Variants in SDK1 observed in about 807,000 individuals in gnomAD.
SDK1 encodes the protein sidekick cell adhesion molecule 1.
A neutral mutation model predicts 245.5 loss-of-function variants in SDK1; 157 were observed. The observed-to-expected ratio is 0.64, with a 90% CI of 0.56 to 0.73. SDK1 has a LOEUF of 0.73. Ranked by LOEUF, SDK1 falls within the 30% of genes least tolerant of loss-of-function variation. The probability of loss-of-function intolerance (pLI) is 0.00; values close to 1 mark genes in which losing one functional copy is unlikely to be tolerated. For synonymous variants in SDK1, 1,647 were observed against 1,278.5 expected (o/e 1.29, Z -6.15); for missense variants, 3,583 against 3,002.3 (o/e 1.19, Z -4.52).
intron 1 of SDK1, among the ~76,000 whole-genome samples, chr7:3,349,507 G>T (rs1465143709): frequency 6.6e-6 from 1 of 152,190 alleles, no homozygotes; most frequent in East Asian, 1.9e-4. Flanking sequence ...GTTCTGCGGG[G>T]ACCAGCCCTG....
chr7:4,253,256 C>T (rs530173621), intron 44 of SDK1, among the ~76,000 whole-genome samples: 50 of 152,158 alleles, frequency 3.3e-4, no homozygotes, highest in African/African-American at 8.9e-4. Flanking sequence ...TTTGTAAATA[C>T]AGGACTTTAT....
intron 1 of SDK1, among the ~76,000 whole-genome samples, chr7:3,363,698 C>T (rs1325762734): frequency 1.8e-4 from 27 of 152,146 alleles, no homozygotes; most frequent in Admixed American, 1.8e-3. Context: ...CTCACCTGTG[C>T]AGTTCACAGT....
At chr7:3,563,335 C>T (rs796804394) in intron 1 of SDK1, among the ~76,000 whole-genome samples, 9 of 151,512 alleles carry the variant, frequency 5.9e-5, no homozygotes, top group East Asian at 3.9e-4. Flanking sequence ...TCAGATGGGG[C>T]GGAAAAACAA....
At chr7:4,240,034 T>A (rs1786422442) in intron 42 of SDK1, among the ~76,000 whole-genome samples, 1 of 152,234 alleles carries the variant, frequency 6.6e-6, no homozygotes, top group Non-Finnish European at 1.5e-5. Flanking sequence ...AGAAAGGATT[T>A]ATTTTTTTCT....
intron 3 of SDK1, among the ~76,000 whole-genome samples, chr7:3,641,750 G>A (rs1367478120): frequency 2.6e-5 from 4 of 152,324 alleles, no homozygotes; most frequent in Non-Finnish European, 5.9e-5. Context: ...TGTGCAGCGT[G>A]GGCGCTTTGG....
intron 4 of SDK1, among the ~76,000 whole-genome samples, chr7:3,676,614 C>G (rs919697336): frequency 7.9e-5 from 12 of 152,284 alleles, no homozygotes; most frequent in African/African-American, 2.2e-4. Flanking sequence ...CGTGAGCCAC[C>G]ACGCCTTGCC....
intron 5 of SDK1, among the ~76,000 whole-genome samples, chr7:3,887,771 A>G (rs1471876519): frequency 6.6e-6 from 1 of 152,180 alleles, no homozygotes; most frequent in Non-Finnish European, 1.5e-5. Flanking sequence ...TTGGCCTGAA[A>G]TATCATCACG....
intron 4 of SDK1, among the ~76,000 whole-genome samples, chr7:3,695,257 C>T (rs890590435): frequency 3.9e-5 from 6 of 152,166 alleles, no homozygotes; most frequent in African/African-American, 7.2e-5. Flanking sequence ...TAAACACTTG[C>T]AGGAGGATAG....
chr7:3,350,179 G>C (rs1780620561), intron 1 of SDK1, among the ~76,000 whole-genome samples: 1 of 152,214 alleles, frequency 6.6e-6, no homozygotes, highest in Non-Finnish European at 1.5e-5. Context: ...GAAGGAGAGA[G>C]TGGGAGACAC....
intron 1 of SDK1, among the ~76,000 whole-genome samples, chr7:3,530,222 C>T (rs973926663): frequency 1.3e-5 from 2 of 151,962 alleles, no homozygotes; most frequent in African/African-American, 4.8e-5. Flanking sequence ...TACAATAAAC[C>T]ATAGAGCCTT....
chr7:3,303,374 AC>A (rs1331640247), intron 1 of SDK1, among the ~76,000 whole-genome samples: 1 of 152,314 alleles, frequency 6.6e-6, no homozygotes, highest in Admixed American at 6.5e-5. Flanking sequence ...TAAGACCTGT[AC>A]GTTCATACAT....
intron 28 of SDK1, among the ~76,000 whole-genome samples, chr7:4,133,349 T>G (rs1199443113): frequency 6.6e-6 from 1 of 152,238 alleles, no homozygotes; most frequent in African/African-American, 2.4e-5. Context: ...GTAAGGACTT[T>G]CCCTGTGCAG....
At chr7:3,419,117 G>T (rs1208619133) in intron 1 of SDK1, among the ~76,000 whole-genome samples, 4 of 152,232 alleles carry the variant, frequency 2.6e-5, no homozygotes, top group Non-Finnish European at 4.4e-5. Flanking sequence ...GAGCTGCTCA[G>T]TTGAAACCTG....
chr7:3,483,407 G>C (rs1781578606), intron 1 of SDK1, among the ~76,000 whole-genome samples: 1 of 152,086 alleles, frequency 6.6e-6, no homozygotes, highest in Admixed American at 6.5e-5. Context: ...GAAGGCTGTT[G>C]AGTTTTGTGT....
chr7:4,043,808 T>G (rs1305273671), intron 17 of SDK1, among the ~76,000 whole-genome samples: 7 of 151,992 alleles, frequency 4.6e-5, no homozygotes. Flanking sequence ...CATTCCTGAG[T>G]CAGTAATTGG....
chr7:3,602,012 C>A (rs559000859), intron 1 of SDK1, among the ~76,000 whole-genome samples: 3 of 151,874 alleles, frequency 2.0e-5, no homozygotes, highest in Non-Finnish European at 2.9e-5. Flanking sequence ...TGAACTCATC[C>A]TTTTTTATGG....
At chr7:3,980,063 T>C (rs1385297035) in intron 13 of SDK1, among the ~76,000 whole-genome samples, 1 of 152,188 alleles carries the variant, frequency 6.6e-6, no homozygotes, top group Non-Finnish European at 1.5e-5. Context: ...TATCAAGCCC[T>C]GTCATCTTCA....
chr7:3,709,562 C>T, intron 4 of SDK1, among the ~76,000 whole-genome samples: 1 of 152,196 alleles, frequency 6.6e-6, no homozygotes, highest in Non-Finnish European at 1.5e-5. Context: ...TTCAAAGGGT[C>T]TGTGGTTTCT....
intron 4 of SDK1, among the ~76,000 whole-genome samples, chr7:3,656,739 CTTTT>C (rs11368318): frequency 3.2e-5 from 4 of 125,490 alleles, no homozygotes. Flanking sequence ...TGGTGGAAAT[CTTTT>C]TTTTTTTTTT....
Sources: gnomAD v4.1 joint callset for allele counts (sites outside exome capture counted in the v4.1 genomes callset) on GRCh38, gnomAD v4.1.1 for gene constraint, MANE v1.5 for transcripts, NCBI Gene and HGNC (gene_info 2026-07-23, HGNC 2026-07-21) for gene names.